Variants in NMT2 observed in about 807,000 individuals in gnomAD.
NMT2 encodes the protein N-myristoyltransferase 2, also known as glycylpeptide N-tetradecanoyltransferase 2.
Under a neutral mutation model 65.4 loss-of-function variants are expected in NMT2, and 35 were observed. The ratio of observed to expected loss-of-function variants is 0.54; its 90% CI spans 0.41 to 0.71. NMT2 has a LOEUF of 0.71. Ranked by LOEUF, NMT2 falls within the 30% of genes least tolerant of loss-of-function variation. NMT2 has a pLI of 0.00. For missense variants in NMT2, 489 were observed against 611.3 expected (o/e 0.80, Z 2.11); for synonymous variants, 226 against 231.8 (o/e 0.98, Z 0.23).
chr10:15,120,155 G>A (rs140876907), intron 8 of NMT2, among the ~76,000 whole-genome samples: 4 of 152,162 alleles, frequency 2.6e-5, no homozygotes, highest in Admixed American at 1.3e-4. Context: ...GTAATCCAGA[G>A]ATGATTTAAA....
chr10:15,167,837 G>C (rs1833425221), intron 1 of NMT2, among the ~76,000 whole-genome samples: 1 of 152,230 alleles, frequency 6.6e-6, no homozygotes, highest in Admixed American at 6.5e-5. Context: ...GGCCAGGTCA[G>C]CGGGAGCCCG....
chr10:15,162,584 G>C (rs1833236075), intron 1 of NMT2, among the ~76,000 whole-genome samples: 1 of 151,902 alleles, frequency 6.6e-6, no homozygotes, highest in Non-Finnish European at 1.5e-5. Context: ...ATAAGAGTCA[G>C]CGAAACATAC....
Position 15,128,367 on chromosome 10 carries a change from G to A in NMT2, c.982C>T (p.Leu328=). 6.3e-7 allele frequency: 1 copy of A among 1,589,294 alleles called. No homozygotes were observed. Among genetic ancestry groups the A allele is most frequent in the Non-Finnish European group, 8.6e-7 (1 of 1,157,918 alleles). Residue 328 remains leucine (L), a synonymous_variant, in exon 8 of 12, where the codon CTA becomes TTA. Coordinates refer to ENST00000378165, the MANE Select transcript of NMT2 (RefSeq NM_004808.3). ...RNMTLQRTMK[L]YRLPDVTKTS... ...TTACTTACATCTGGAAGTCTGTATAGCTTCATTGTTCTCTGTAAAGTCATA... is the reference window on the plus strand; with the variant it reads ...TTACTTACATCTGGAAGTCTGTATAACTTCATTGTTCTCTGTAAAGTCATA...
Position 15,112,770 on chromosome 10 carries a change from G to A in NMT2, c.1338+26C>T, listed in dbSNP as rs775395748. ...GGCACAGACATTTGGAGAACCAAAC[G>A]GCGTGAACAGGAAGGAGTGGCTTAC... On this transcript the variant is annotated intron_variant, in intron 10 of 11. Transcript: ENST00000378165. 6.9e-6 allele frequency: 11 copies of A among 1,587,562 alleles called. 1 individual carries two copies. In the Middle Eastern group the frequency reaches 5.1e-4, roughly 74 times the overall value.
chr10:15,139,861 T>C (rs1425151385), intron 2 of NMT2: 1 of 75,578 alleles, frequency 1.3e-5, no homozygotes, highest in Non-Finnish European at 2.5e-5. Context: ...TGGTAACAAC[T>C]ACTATATATA....
Position 15,132,874 on chromosome 10 carries a change from T to A in NMT2, c.662A>T (p.Asn221Ile), listed in dbSNP as rs1283677798. 1 of 1,614,088 alleles carries A rather than the reference T, an allele frequency of 6.2e-7. No homozygotes were observed. Among genetic ancestry groups the A allele is most frequent in the Non-Finnish European group, 8.5e-7 (1 of 1,179,950 alleles). The part of the protein sequence containing the change: ...QWHCGVRVSS[N>I]KKLVGFISAI... ...ACTTATGAACCCGACCAGTTTTTTA[T>A]TTGAAGACACTCTGACCCCACAGTG... The change falls in exon 6 of 12, where the codon AAT (asparagine) becomes ATT (isoleucine). Residue 221 changes from asparagine (N) to isoleucine (I), a missense_variant. Coordinates refer to ENST00000378165, the MANE Select transcript of NMT2 (RefSeq NM_004808.3).
At chr10:15,161,292 T>C (rs1001212845) in intron 1 of NMT2, among the ~76,000 whole-genome samples, 1 of 151,954 alleles carries the variant, frequency 6.6e-6, no homozygotes, top group African/African-American at 2.4e-5. Flanking sequence ...CCACGCACTC[T>C]AAGAAAAAAA....
At chr10:15,158,385 G>A (rs1833074101) in intron 1 of NMT2, among the ~76,000 whole-genome samples, 1 of 151,366 alleles carries the variant, frequency 6.6e-6, no homozygotes, top group African/African-American at 2.4e-5. Flanking sequence ...ATTTAAAAAT[G>A]TTGGGCCCTA....
intron 9 of NMT2, among the ~76,000 whole-genome samples, chr10:15,114,402 T>C (rs376909920): frequency 3.7e-4 from 56 of 152,128 alleles, no homozygotes; most frequent in African/African-American, 1.2e-3. Context: ...GGATGATCTT[T>C]CCATTGTCCC....
intron 2 of NMT2, among the ~76,000 whole-genome samples, chr10:15,139,500 C>A (rs994813489): frequency 6.6e-6 from 1 of 152,132 alleles, no homozygotes; most frequent in Non-Finnish European, 1.5e-5. Flanking sequence ...GATGTCCACG[C>A]TGCAGGTCAG....
At chr10:15,128,636 A>C (rs2131533081) in intron 7 of NMT2, among the ~76,000 whole-genome samples, 178 bp from the exon 8 acceptor site, 1 of 152,322 alleles carries the variant, frequency 6.6e-6, no homozygotes, top group South Asian at 2.1e-4. Flanking sequence ...AATACATCTT[A>C]TACTCCAGTT....
chr10:15,126,385 T>C (rs1357457436), intron 8 of NMT2, among the ~76,000 whole-genome samples: 3 of 148,072 alleles, frequency 2.0e-5, no homozygotes, highest in Non-Finnish European at 4.4e-5. Context: ...GCTGAGATTG[T>C]GCCATTGCAC....
At chr10:15,130,770 A>ATTTTCTTCTT (rs1846256918) in intron 6 of NMT2, among the ~76,000 whole-genome samples, 1 of 122,212 alleles carries the variant, frequency 8.2e-6, no homozygotes, top group Admixed American at 8.5e-5. Context: ...AGGCCATTCT[A>ATTTTCTTCTT]TTTTCTTCTT....
intron 3 of NMT2, 72 bp downstream of exon 3, chr10:15,135,202 T>TGGG: frequency 7.4e-7 from 1 of 1,349,726 alleles, no homozygotes; most frequent in Non-Finnish European, 1.1e-6. Flanking sequence ...TTTGTTGTTG[T>TGGG]TGTTGTTGTT....
At chr10:15,128,500 C>T (rs1035978707) in intron 7 of NMT2, 42 bp from the exon 8 acceptor site, 2 of 1,240,236 alleles carry the variant, frequency 1.6e-6, no homozygotes, top group Non-Finnish European at 2.4e-6. Context: ...TGATTTCTAA[C>T]TCTACAAGTT....
rs115612735 is a variant in NMT2 at position 15,106,509 on chromosome 10, G to A, written c.*2686C>T. On this transcript the variant is annotated 3_prime_UTR_variant, in exon 12 of 12. Coordinates refer to ENST00000378165, the MANE Select transcript of NMT2 (RefSeq NM_004808.3). ...AAAGAACGCTAATGCAATTAGGGTG[G>A]AACCATCTGAAATTCCAAGTCTTCC... The A allele has an allele frequency of 1.5e-3, 453 of 301,762 alleles. 4 individuals are homozygous for A. The highest frequency in any genetic ancestry group is 9.8e-3 in the African/African-American group (432 of 44,282). 18.7% of individuals were successfully genotyped at this position (301,762 alleles called of 1,614,324 possible).
intron 8 of NMT2, among the ~76,000 whole-genome samples, chr10:15,119,852 G>A (rs1845866350): frequency 6.6e-6 from 1 of 152,158 alleles, no homozygotes; most frequent in African/African-American, 2.4e-5. Flanking sequence ...AGTTCATGAT[G>A]TACGCCAATA....
chr10:15,163,352 C>T (rs899480638), intron 1 of NMT2, among the ~76,000 whole-genome samples: 2 of 152,190 alleles, frequency 1.3e-5, no homozygotes, highest in South Asian at 2.1e-4. Flanking sequence ...AGATGTATAA[C>T]GTACATTTGC....
At position 15,107,791 on chromosome 10, in the gene NMT2, G is replaced by T; in HGVS notation, c.*1404C>A. On this transcript the variant is annotated 3_prime_UTR_variant, in exon 12 of 12. Transcript: ENST00000378165. ...TTTGTGGTATCTGAGTTGAGGCCAG[G>T]CTACGTGGCCTCGGTTAGCATCTTA... 1.0e-6 allele frequency: 1 copy of T among 985,724 alleles called. No homozygotes were observed. The highest frequency in any genetic ancestry group is 1.2e-6 in the Non-Finnish European group (1 of 829,930). 61.1% of individuals were successfully genotyped at this position (985,724 alleles called of 1,614,324 possible).
Sources: gnomAD v4.1 joint callset for allele counts (sites outside exome capture counted in the v4.1 genomes callset) on GRCh38, gnomAD v4.1.1 for gene constraint, MANE v1.5 for transcripts, NCBI Gene and HGNC (gene_info 2026-07-23, HGNC 2026-07-21) for gene names.